CPED1: variants seen among roughly 807,000 people sequenced by gnomAD.
CPED1 encodes the protein cadherin-like and PC-esterase domain-containing protein 1.
In CPED1, 114 loss-of-function variants were observed where a neutral mutation model predicts 128.2. That is an observed-to-expected ratio of 0.89 (90% CI 0.76 to 1.04). The LOEUF is 1.04. CPED1 is among the 50% of genes least tolerant of loss of function. The probability of loss-of-function intolerance (pLI) is 0.00; values close to 1 mark genes in which losing one functional copy is unlikely to be tolerated. For synonymous variants in CPED1, 462 were observed against 426.7 expected (o/e 1.08, Z -1.02); for missense variants, 1,211 against 1,207.1 (o/e 1.00, Z -0.05).
intron 3 of CPED1, among the ~76,000 whole-genome samples, chr7:121,037,322 G>T (rs1220106689): frequency 2.0e-5 from 3 of 152,144 alleles, no homozygotes; most frequent in Admixed American, 6.6e-5. Context: ...TGTATAAGGT[G>T]AGAGATGAGG....
chr7:121,011,265 C>G (rs1022749729), intron 2 of CPED1, among the ~76,000 whole-genome samples: 2 of 151,596 alleles, frequency 1.3e-5, no homozygotes, highest in African/African-American at 4.8e-5. Context: ...AGCTATATTT[C>G]TTGGCTTCAC....
chr7:121,098,763 T>A (rs7456211), intron 6 of CPED1, among the ~76,000 whole-genome samples: 3 of 38,314 alleles, frequency 7.8e-5, no homozygotes, highest in Non-Finnish European at 1.6e-4. Flanking sequence ...TAAAAATATA[T>A]ATAAATATAT....
chr7:121,070,661 C>T (rs565940767), intron 5 of CPED1, among the ~76,000 whole-genome samples: 2 of 152,182 alleles, frequency 1.3e-5, no homozygotes, highest in East Asian at 3.9e-4. Context: ...TTCAAATTCC[C>T]ATTTAATTCA....
At chr7:121,230,276 T>C (rs1798107016) in intron 16 of CPED1, among the ~76,000 whole-genome samples, 1 of 151,872 alleles carries the variant, frequency 6.6e-6, no homozygotes, top group African/African-American at 2.4e-5. Flanking sequence ...CTAGGGGCAA[T>C]GAAGAGAAGG....
Position 121,099,915 on chromosome 7 carries a change from T to C in CPED1, c.750-11T>C. On this transcript the variant is annotated splice_polypyrimidine_tract_variant and intron_variant, in intron 6 of 22. Coordinates refer to ENST00000310396, the MANE Select transcript of CPED1 (RefSeq NM_024913.5). Reference sequence around the variant, plus strand: ...TTATGGAGCGCTAACTATGTTTTTTTTTTTTTTTAGGAATGAAACGACAGT... The same window carrying C: ...TTATGGAGCGCTAACTATGTTTTTTCTTTTTTTTAGGAATGAAACGACAGT... 6.2e-7 allele frequency: 1 copy of C among 1,608,198 alleles called. No individual in the cohort carries two copies. Among genetic ancestry groups the C allele is most frequent in the South Asian group, 1.1e-5 (1 of 90,380 alleles).
intron 5 of CPED1, among the ~76,000 whole-genome samples, chr7:121,088,818 A>G (rs2968345): frequency 0.32 from 46,685 of 145,976 alleles, 7,840 homozygotes; most frequent in Middle Eastern, 0.4. Flanking sequence ...TCTCATTAAC[A>G]TCTTTAAAGA....
intron 2 of CPED1, chr7:120,993,928 C>T (rs1390153653): frequency 9.7e-6 from 3 of 309,122 alleles, no homozygotes; most frequent in South Asian, 4.8e-5. Context: ...CTCAGGGCAG[C>T]CACTAGAGAA....
rs199634821 is a variant in CPED1, at chr7:120,989,648, T to C, written c.27T>C (p.Cys9=). 2.0e-5 allele frequency: 33 copies of C among 1,613,990 alleles called. No individual in the cohort carries two copies. The African/African-American group carries it at 3.7e-4, about 18-fold the overall frequency. Residue 9 remains cysteine, a synonymous_variant, in exon 2 of 23, where the codon TGT becomes TGC. Transcript: ENST00000310396. MVCRPVFP[C]RRRFCPRPFL... is the part of the protein sequence containing the mutation. Reference sequence around the variant, plus strand: ...TGGTCTGTCGCCCAGTGTTCCCTTGTCGTCGGCGATTTTGCCCCCGACCCT... The same window carrying C: ...TGGTCTGTCGCCCAGTGTTCCCTTGCCGTCGGCGATTTTGCCCCCGACCCT...
At chr7:121,015,522 C>T (rs1366789338) in intron 2 of CPED1, 143 bp from the exon 3 acceptor site, 2 of 678,532 alleles carry the variant, frequency 2.9e-6, no homozygotes, top group African/African-American at 3.7e-5. Context: ...TTGTCCTTGT[C>T]AGCCTTTCAG....
chr7:120,995,083 G>A (rs937828210), intron 2 of CPED1, among the ~76,000 whole-genome samples: 1 of 151,992 alleles, frequency 6.6e-6, no homozygotes, highest in South Asian at 2.1e-4. Flanking sequence ...AAAACAATAA[G>A]CTTTCTTTGT....
At chr7:121,216,994 T>C (rs1797773617) in intron 16 of CPED1, among the ~76,000 whole-genome samples, 1 of 152,038 alleles carries the variant, frequency 6.6e-6, no homozygotes, top group Non-Finnish European at 1.5e-5. Context: ...TATTCCTTAC[T>C]TATTATCTGG....
chr7:121,096,999 C>A (rs903821894), intron 5 of CPED1, among the ~76,000 whole-genome samples: 1 of 152,014 alleles, frequency 6.6e-6, no homozygotes, highest in Non-Finnish European at 1.5e-5. Context: ...CAAGTTAATA[C>A]GTAAGCATTG....
intron 5 of CPED1, among the ~76,000 whole-genome samples, chr7:121,069,144 T>A (rs1403084903): frequency 6.6e-6 from 1 of 152,132 alleles, no homozygotes; most frequent in Non-Finnish European, 1.5e-5. Flanking sequence ...AGAACAAATG[T>A]GGTCAGTGCC....
At chr7:121,125,704 T>A in intron 8 of CPED1, 116 bp from the exon 9 acceptor site, 2 of 697,172 alleles carry the variant, frequency 2.9e-6, no homozygotes, top group Non-Finnish European at 5.1e-6. Flanking sequence ...CTTTATCCAG[T>A]CTATCATTAA....
rs903357045 is a variant in CPED1, at chr7:121,201,699, T to C, written c.2056-35015T>C. Reference sequence around the variant, plus strand: ...TCTAATTTCTGAATGCAGTTATAAATACAGCCCTTCACAGAGGAAGACAGA... The same window carrying C: ...TCTAATTTCTGAATGCAGTTATAAACACAGCCCTTCACAGAGGAAGACAGA... On this transcript the variant is annotated intron_variant, in intron 16 of 22. Coordinates refer to ENST00000310396, the MANE Select transcript of CPED1 (RefSeq NM_024913.5). Among the ~76,000 whole-genome samples, 10 of 152,106 alleles carry C rather than the reference T, an allele frequency of 6.6e-5. No homozygotes were observed. The South Asian group carries it at 8.3e-4, about 13-fold the overall frequency.
In CPED1 at chr7:121,295,697, C is replaced by T; in HGVS notation, c.*45C>T. ...AATCTGGAGCTGGAGACGAGCTAGT[C>T]ACCCGGACAATGGTCTAGGAGCCAA... On this transcript the variant is annotated 3_prime_UTR_variant, in exon 23 of 23. Transcript: ENST00000310396. The T allele has an allele frequency of 6.4e-7, 1 of 1,551,558 alleles. No homozygotes were observed. Among genetic ancestry groups the T allele is most frequent in the Non-Finnish European group, 8.9e-7 (1 of 1,125,246 alleles).
intron 3 of CPED1, among the ~76,000 whole-genome samples, chr7:121,018,167 A>G (rs750461374): frequency 9.2e-5 from 14 of 152,148 alleles, no homozygotes; most frequent in African/African-American, 3.4e-4. Context: ...TGTGACTATA[A>G]TCTAACATTT....
rs781209460 is a variant in CPED1 at position 121,296,261 on chromosome 7, T to G, written c.*609T>G. The G allele has an allele frequency of 6.6e-6, 1 of 152,320 alleles. No individual in the cohort carries two copies. The highest frequency in any genetic ancestry group is 1.5e-5 in the Non-Finnish European group (1 of 68,034). The allele number at this position is 152,320 out of a possible 1,614,324, so 9.4% of individuals were successfully genotyped here. A position where few individuals can be genotyped will look rare whatever the true frequency, so the allele number is the denominator to read the frequency against. On this transcript the variant is annotated 3_prime_UTR_variant, in exon 23 of 23. Coordinates refer to ENST00000310396, the MANE Select transcript of CPED1 (RefSeq NM_024913.5). ...ATTTGAAGAGATTCTGTGAGAGAGATATGAAATATTTTATAGTTAAAACAC... is the reference window on the plus strand; with the variant it reads ...ATTTGAAGAGATTCTGTGAGAGAGAGATGAAATATTTTATAGTTAAAACAC...
intron 3 of CPED1, among the ~76,000 whole-genome samples, chr7:121,016,895 A>T (rs984290004): frequency 1.3e-5 from 2 of 152,206 alleles, no homozygotes; most frequent in African/African-American, 4.8e-5. Context: ...GGGGGAGAAG[A>T]GTCAGATCCT....
Sources: gnomAD v4.1 joint callset for allele counts (sites outside exome capture counted in the v4.1 genomes callset) on GRCh38, gnomAD v4.1.1 for gene constraint, MANE v1.5 for transcripts, NCBI Gene and HGNC (gene_info 2026-07-23, HGNC 2026-07-21) for gene names.